The following HDAC8 variants were observed in gnomAD, a reference collection of about 807,000 sequenced individuals.
HDAC8 encodes the protein histone deacetylase 8.
Under a neutral mutation model 32.2 loss-of-function variants are expected in HDAC8, and 1 was observed. That is an observed-to-expected ratio of 0.03 (90% CI 0.01 to 0.15). HDAC8 has a LOEUF of 0.15. Among genes scored for constraint, HDAC8 ranks in the 10% least tolerant of loss-of-function variants. The pLI, the probability that HDAC8 is intolerant of heterozygous loss-of-function variation, is 1.00. For missense variants in HDAC8, 117 were observed against 300.0 expected (o/e 0.39, Z 4.51); for synonymous variants, 108 against 113.9 (o/e 0.95, Z 0.33).
chrX:72,461,066 AT>A (rs1300222952), intron 9 of HDAC8, among the ~76,000 whole-genome samples: 1 of 112,325 alleles, frequency 8.9e-6, no homozygotes, highest in Non-Finnish European at 1.9e-5. Flanking sequence ...TTTTTAAAAA[AT>A]AATAGCAACT....
At chrX:72,510,441 C>A (rs2056566293) in intron 4 of HDAC8, among the ~76,000 whole-genome samples, 1 of 111,677 alleles carries the variant, frequency 9.0e-6, no homozygotes, top group African/African-American at 3.3e-5. Context: ...GTAATACTTG[C>A]CTGAAAATGT....
At chrX:72,379,317 A>T (rs1426108525) in intron 9 of HDAC8, among the ~76,000 whole-genome samples, 2 of 110,769 alleles carry the variant, frequency 1.8e-5, no homozygotes, top group Non-Finnish European at 3.8e-5. Context: ...GTGACAGTTT[A>T]TGTTGATTGA....
chrX:72,533,872 A>G (rs2050432248), intron 4 of HDAC8, among the ~76,000 whole-genome samples: 1 of 111,565 alleles, frequency 9.0e-6, no homozygotes, highest in African/African-American at 3.3e-5. Context: ...GATAAAGGGT[A>G]CCTACAAACA....
chrX:72,543,361 G>A (rs1157553442), intron 4 of HDAC8, among the ~76,000 whole-genome samples: 1 of 111,399 alleles, frequency 9.0e-6, no homozygotes, highest in Non-Finnish European at 1.9e-5. Flanking sequence ...AGCATTCTCC[G>A]CCAGTACGTG....
chrX:72,479,613 C>T (rs782561414), intron 7 of HDAC8, among the ~76,000 whole-genome samples: 2 of 111,863 alleles, frequency 1.8e-5, no homozygotes, highest in Admixed American at 1.9e-4. Context: ...CTACAGAATT[C>T]CAGAAGACTG....
At chrX:72,484,721 T>C (rs1442083994) in intron 7 of HDAC8, among the ~76,000 whole-genome samples, 1 of 111,780 alleles carries the variant, frequency 8.9e-6, no homozygotes, top group Non-Finnish European at 1.9e-5. Context: ...AGTTGGGTCA[T>C]CCTGAAAGAT....
At chrX:72,485,829 G>A (rs1319101283) in intron 7 of HDAC8, among the ~76,000 whole-genome samples, 16 of 111,653 alleles carry the variant, frequency 1.4e-4, no homozygotes, top group African/African-American at 5.2e-4. Context: ...GAAATAAAAA[G>A]GATGAAAAGG....
At chrX:72,474,681 C>A in intron 7 of HDAC8, 2 of 1,206,899 alleles carry the variant, frequency 1.7e-6, no homozygotes, top group Admixed American at 2.2e-5. Flanking sequence ...GGAAGACAAG[C>A]TGCGGCAGCT....
intron 4 of HDAC8, among the ~76,000 whole-genome samples, chrX:72,560,565 T>TAAAAAAAAAAAA (rs147846647): frequency 2.0e-4 from 7 of 35,214 alleles, no homozygotes; most frequent in African/African-American, 2.2e-4. Context: ...CAATAAATAC[T>TAAAAAAAAAAAA]AAAAAAAAAA....
At position 72,495,285 on chromosome X, in the gene HDAC8, T is replaced by C. The variant is rs782753936; in HGVS notation, c.438-17A>G. 12 of 1,113,124 alleles carry C rather than the reference T, an allele frequency of 1.1e-5. No homozygotes were observed. The Admixed American group carries it at 2.7e-4, about 25-fold the overall frequency. 91.7% of individuals were successfully genotyped at this position (1,113,124 alleles called of 1,213,427 possible). ...GCTTCATCTCTGTAAGAAAACAAGT[T>C]GCTACAGCCAACAGCCAAAAAGCAA... On this transcript the variant is annotated splice_polypyrimidine_tract_variant and intron_variant, in intron 4 of 10. Transcript: ENST00000373573.
intron 9 of HDAC8, among the ~76,000 whole-genome samples, chrX:72,418,083 T>C (rs2046394380): frequency 8.9e-6 from 1 of 111,755 alleles, no homozygotes; most frequent in Non-Finnish European, 1.9e-5. Flanking sequence ...AATATTTAAA[T>C]GTAAGATTCA....
At chrX:72,435,446 A>T (rs961819437) in intron 9 of HDAC8, among the ~76,000 whole-genome samples, 1 of 112,075 alleles carries the variant, frequency 8.9e-6, no homozygotes, top group Non-Finnish European at 1.9e-5. Context: ...CCAAGATGAC[A>T]CACGTTGGAA....
intron 7 of HDAC8, chrX:72,474,467 C>T (rs923371398): frequency 2.7e-5 from 28 of 1,047,755 alleles, no homozygotes; most frequent in Middle Eastern, 3.7e-4. Context: ...CTGTTTGCTA[C>T]ACTGCAAATC....
At chrX:72,442,377 C>T (rs1217570354) in intron 9 of HDAC8, among the ~76,000 whole-genome samples, 26 of 111,623 alleles carry the variant, frequency 2.3e-4, no homozygotes, top group Admixed American at 2.2e-3. Flanking sequence ...TAGGGGCCAA[C>T]ATTCAACATT....
chrX:72,355,543 G>A (rs2044315021), intron 9 of HDAC8, among the ~76,000 whole-genome samples: 1 of 111,707 alleles, frequency 9.0e-6, no homozygotes, highest in Admixed American at 9.5e-5. Flanking sequence ...AGGGATGGAA[G>A]TGAAAGGTAG....
intron 9 of HDAC8, among the ~76,000 whole-genome samples, chrX:72,424,612 T>A (rs1346620582): frequency 1.8e-5 from 2 of 111,921 alleles, no homozygotes; most frequent in Non-Finnish European, 3.8e-5. Context: ...TTCAGTGGTA[T>A]TAAGTATTTT....
chrX:72,356,002 T>A (rs1184806456), intron 9 of HDAC8, among the ~76,000 whole-genome samples: 7 of 112,327 alleles, frequency 6.2e-5, no homozygotes, highest in Non-Finnish European at 1.3e-4. Flanking sequence ...TACAAGCTTA[T>A]TATGTGTCAG....
At chrX:72,500,986 C>T (rs782435954) in intron 4 of HDAC8, among the ~76,000 whole-genome samples, 2 of 111,199 alleles carry the variant, frequency 1.8e-5, no homozygotes, top group African/African-American at 6.5e-5. Flanking sequence ...ATAGTCAACC[C>T]GAGAACCAAA....
intron 7 of HDAC8, among the ~76,000 whole-genome samples, chrX:72,469,625 T>C (rs781988276): frequency 8.9e-6 from 1 of 112,302 alleles, no homozygotes; most frequent in Non-Finnish European, 1.9e-5. Context: ...CTCTCTGTTC[T>C]GCTGGAGGAA....
Sources: gnomAD v4.1 joint callset for allele counts (sites outside exome capture counted in the v4.1 genomes callset) on GRCh38, gnomAD v4.1.1 for gene constraint, MANE v1.5 for transcripts, NCBI Gene and HGNC (gene_info 2026-07-23, HGNC 2026-07-21) for gene names.